Variants in MIPOL1 observed in about 807,000 individuals in gnomAD.
MIPOL1 encodes mirror-image polydactyly gene 1 protein.
Under a neutral mutation model 60.9 loss-of-function variants are expected in MIPOL1, and 57 were observed. The observed-to-expected ratio is 0.94, with a 90% CI of 0.76 to 1.17. The LOEUF (loss-of-function observed/expected upper bound fraction) is 1.17, where lower values mean the gene tolerates loss of function less well. Ranked by LOEUF, MIPOL1 falls within the 50% of genes most tolerant of loss-of-function variation. The pLI, the probability that MIPOL1 is intolerant of heterozygous loss-of-function variation, is 0.00. For synonymous variants in MIPOL1, 179 were observed against 168.8 expected, an observed-to-expected ratio of 1.06 and a Z score of -0.47; for missense variants, 551 against 511.6, an observed-to-expected ratio of 1.08 and a Z score of -0.74.
intron 11 of MIPOL1, among the ~76,000 whole-genome samples, chr14:37,487,111 G>C (rs1277954423): frequency 6.6e-6 from 1 of 151,932 alleles, no homozygotes; most frequent in Non-Finnish European, 1.5e-5. Flanking sequence ...TTTTGTCATT[G>C]GTTCTGTTTA....
rs183797157 is a variant in MIPOL1, at chr14:37,431,813, C to A, written c.1031+8864C>A. On this transcript the variant is annotated intron_variant, in intron 11 of 12. Transcript: ENST00000684589. ...TGTTAGCCAGGATGGTCTCGGTCTCCTGACCTCGTGATCCGCTCGCCTCAG... is the reference window on the plus strand; with the variant it reads ...TGTTAGCCAGGATGGTCTCGGTCTCATGACCTCGTGATCCGCTCGCCTCAG... Among the ~76,000 whole-genome samples the A allele has an allele frequency of 1.2e-3, 183 of 151,678 alleles. 1 individual carries two copies. The highest frequency in any genetic ancestry group is 4.1e-3 in the African/African-American group (169 of 41,372).
At chr14:37,542,945 T>G (rs975196836) in intron 12 of MIPOL1, among the ~76,000 whole-genome samples, 1 of 152,198 alleles carries the variant, frequency 6.6e-6, no homozygotes, top group Non-Finnish European at 1.5e-5. Flanking sequence ...TCCCCACTTT[T>G]ACGTCCTACT....
chr14:37,201,738 CTT>C (rs1447393294), intron 1 of MIPOL1, among the ~76,000 whole-genome samples: 1 of 152,142 alleles, frequency 6.6e-6, no homozygotes, highest in Admixed American at 6.6e-5. Flanking sequence ...GGCCCCCTGC[CTT>C]TTGCTCAGTA....
At chr14:37,297,459 A>G (rs2085854743) in intron 7 of MIPOL1, among the ~76,000 whole-genome samples, 1 of 152,274 alleles carries the variant, frequency 6.6e-6, no homozygotes, top group South Asian at 2.1e-4. Flanking sequence ...GGCCAGGGCA[A>G]TCAGGCAGGA....
intron 10 of MIPOL1, among the ~76,000 whole-genome samples, chr14:37,404,686 A>C (rs761790299): frequency 1.2e-4 from 19 of 152,192 alleles, no homozygotes; most frequent in Non-Finnish European, 2.6e-4. Flanking sequence ...AGCTATAGTT[A>C]CTGAAACTGT....
intron 1 of MIPOL1, among the ~76,000 whole-genome samples, chr14:37,212,040 C>T (rs1966855827): frequency 6.6e-6 from 1 of 151,894 alleles, no homozygotes; most frequent in Non-Finnish European, 1.5e-5. Flanking sequence ...ACTGAAGAGC[C>T]CTTGGGCCCT....
At chr14:37,252,539 A>C (rs1052549842) in intron 3 of MIPOL1, among the ~76,000 whole-genome samples, 3 of 151,968 alleles carry the variant, frequency 2.0e-5, no homozygotes, top group African/African-American at 7.2e-5. Flanking sequence ...TAAATAAATG[A>C]AACTTAATGA....
At chr14:37,409,574 T>A (rs2093647965) in intron 10 of MIPOL1, among the ~76,000 whole-genome samples, 1 of 152,088 alleles carries the variant, frequency 6.6e-6, no homozygotes, top group South Asian at 2.1e-4. Flanking sequence ...AATCACGAGG[T>A]CAAGAGATCA....
chr14:37,253,612 TA>T (rs1449092790), intron 3 of MIPOL1, among the ~76,000 whole-genome samples: 1 of 151,796 alleles, frequency 6.6e-6, no homozygotes, highest in Non-Finnish European at 1.5e-5. Flanking sequence ...TTATTCCTTC[TA>T]GCTATGGAAG....
chr14:37,498,209 G>A (rs889553783), intron 11 of MIPOL1, among the ~76,000 whole-genome samples: 1 of 151,988 alleles, frequency 6.6e-6, no homozygotes, highest in Admixed American at 6.6e-5. Context: ...AAAATGGGAG[G>A]GAACACTGGG....
In MIPOL1 at chr14:37,451,808, C is replaced by CTTTTTTTTTTTTTTT. The variant is rs535978128; in HGVS notation, c.1031+28869_1031+28883dup. Among the ~76,000 whole-genome samples the CTTTTTTTTTTTTTTT allele has an allele frequency of 3.3e-4, 28 of 84,570 alleles. 2 individuals are homozygous for CTTTTTTTTTTTTTTT. Among genetic ancestry groups the CTTTTTTTTTTTTTTT allele is most frequent in the African/African-American group, 1.8e-3 (28 of 15,752 alleles). 55.5% of individuals were successfully genotyped at this position (84,570 alleles called of 152,430 possible). A position where few individuals can be genotyped will look rare whatever the true frequency, so the allele number is the denominator to read the frequency against. On this transcript the variant is annotated intron_variant, in intron 11 of 12. Transcript: ENST00000684589. ...CTTAAGGTTCTTTTGTTTATTCTCT[C>CTTTTTTTTTTTTTTT]TTTTTTTTTTTTTTTTTTTTTTTTG...
intron 9 of MIPOL1, among the ~76,000 whole-genome samples, chr14:37,364,980 T>C (rs2092420583): frequency 6.6e-6 from 1 of 152,168 alleles, no homozygotes; most frequent in Admixed American, 6.5e-5. Flanking sequence ...AATGGGAGTG[T>C]TTTCTAAAAT....
intron 1 of MIPOL1, chr14:37,219,710 C>T (rs1420451921): frequency 6.6e-6 from 1 of 152,140 alleles, no homozygotes; most frequent in Admixed American, 6.5e-5. Context: ...TCTTCTGTAT[C>T]CCTACTGATT....
chr14:37,350,059 G>T (rs2091241009), intron 9 of MIPOL1, among the ~76,000 whole-genome samples: 1 of 152,004 alleles, frequency 6.6e-6, no homozygotes, highest in East Asian at 1.9e-4. Flanking sequence ...ATTATTTCCT[G>T]TCTCTTTCTG....
At chr14:37,472,230 G>A (rs2153590477) in intron 11 of MIPOL1, among the ~76,000 whole-genome samples, 1 of 152,112 alleles carries the variant, frequency 6.6e-6, no homozygotes, top group East Asian at 1.9e-4. Context: ...AACAAGACTT[G>A]ATTTACTTTT....
chr14:37,323,555 T>C (rs1471795059), intron 9 of MIPOL1, among the ~76,000 whole-genome samples: 1 of 151,976 alleles, frequency 6.6e-6, no homozygotes, highest in African/African-American at 2.4e-5. Flanking sequence ...TCATTGAAAA[T>C]TCAGAGAGTT....
Position 37,430,205 on chromosome 14 carries a change from AT to A in MIPOL1, c.1031+7265del, listed in dbSNP as rs1176011695. Among the ~76,000 whole-genome samples, 6 of 151,452 alleles carry A rather than the reference AT, an allele frequency of 4.0e-5. No individual in the cohort carries two copies. The East Asian group carries it at 7.7e-4, about 20-fold the overall frequency. ...CACTTCCATCTTTGGCATTAATCAG[AT>A]TTTTTTTTGATTACCGTAGACAAGT... On this transcript the variant is annotated intron_variant, in intron 11 of 12. Coordinates refer to ENST00000684589, the MANE Select transcript of MIPOL1 (RefSeq NM_001388067.1).
At position 37,318,299 on chromosome 14, in the gene MIPOL1, A is replaced by G. The variant is rs144066903; in HGVS notation, c.828+9780A>G. On this transcript the variant is annotated intron_variant, in intron 9 of 12. Coordinates refer to ENST00000684589, the MANE Select transcript of MIPOL1 (RefSeq NM_001388067.1). ...TAGCATAGTGTCTAGCATGTAATAG[A>G]TACAAAATAATGATGTTTAAAATAT... Among the ~76,000 whole-genome samples, 43 of 152,320 alleles carry G rather than the reference A, an allele frequency of 2.8e-4. No individual in the cohort carries two copies. The East Asian group carries it at 8.3e-3, about 29-fold the overall frequency.
chr14:37,220,663 ATAAG>A (rs1194412502), intron 1 of MIPOL1, among the ~76,000 whole-genome samples: 1 of 152,234 alleles, frequency 6.6e-6, no homozygotes, highest in Non-Finnish European at 1.5e-5. Flanking sequence ...TTGATTCTTT[ATAAG>A]TAAGAAACTG....
Sources: allele counts gnomAD v4.1 joint callset (sites outside exome capture counted in the v4.1 genomes callset), GRCh38; gene constraint gnomAD v4.1.1; transcripts MANE v1.5; gene names NCBI Gene and HGNC (gene_info 2026-07-23, HGNC 2026-07-21).